Variants in FNDC1 observed in about 807,000 individuals in gnomAD.
The protein encoded by FNDC1 is fibronectin type III domain containing 1.
Under a neutral mutation model 168.0 loss-of-function variants are expected in FNDC1, and 96 were observed. The ratio of observed to expected loss-of-function variants is 0.57; its 90% CI spans 0.48 to 0.68. The LOEUF is 0.68. Ranked by LOEUF, FNDC1 falls within the 30% of genes least tolerant of loss-of-function variation. FNDC1 has a pLI of 0.00. For synonymous variants in FNDC1, 1,099 were observed against 1,025.9 expected, an observed-to-expected ratio of 1.07 and a Z score of -1.36; for missense variants, 2,587 against 2,482.1, an observed-to-expected ratio of 1.04 and a Z score of -0.90.
chr6:159,267,957 C>A (rs1379343621), intron 22 of FNDC1, 31 bp downstream of exon 22: 5 of 1,592,984 alleles, frequency 3.1e-6, no homozygotes, highest in East Asian at 2.3e-5. Flanking sequence ...ATATATTATC[C>A]TAGGAGGTGG....
chr6:159,270,490 A>G (rs968875521), intron 22 of FNDC1, among the ~76,000 whole-genome samples: 2 of 152,060 alleles, frequency 1.3e-5, no homozygotes, highest in Non-Finnish European at 2.9e-5. Flanking sequence ...TCCATATTCC[A>G]TGGTGTCCCT....
At position 159,215,080 on chromosome 6, in the gene FNDC1, G is replaced by T; in HGVS notation, c.596G>T (p.Gly199Val). ...RRSRGFLLGY[G>V]ESGRKMNYVP... is the part of the protein sequence containing the mutation. ...TCACGGGGTTTTCTCCTGGGCTACGGGGAGAGTGGCCGGAAGATGAATTAT... is the reference window on the plus strand; with the variant it reads ...TCACGGGGTTTTCTCCTGGGCTACGTGGAGAGTGGCCGGAAGATGAATTAT... Residue 199 changes from glycine to valine, a missense_variant, in exon 5 of 23, where the codon GGG becomes GTG. Coordinates refer to ENST00000297267, the MANE Select transcript of FNDC1 (RefSeq NM_032532.3). 3.1e-6 allele frequency: 5 copies of T among 1,614,058 alleles called. No homozygotes were observed. Among genetic ancestry groups the T allele is most frequent in the Non-Finnish European group, 4.2e-6 (5 of 1,179,882 alleles).
Position 159,271,707 on chromosome 6 carries a change from A to G in FNDC1, c.*265A>G. ...GTTTGTAATAGCACATCCCAGAGACATCAGAAACCAGCAACTGATTCAGTG... is the reference window on the plus strand; with the variant it reads ...GTTTGTAATAGCACATCCCAGAGACGTCAGAAACCAGCAACTGATTCAGTG... On this transcript the variant is annotated 3_prime_UTR_variant, in exon 23 of 23. Coordinates refer to ENST00000297267, the MANE Select transcript of FNDC1 (RefSeq NM_032532.3). 1 of 309,522 alleles carries G rather than the reference A, an allele frequency of 3.2e-6. No individual in the cohort carries two copies. Among genetic ancestry groups the G allele is most frequent in the East Asian group, 7.7e-5 (1 of 13,032 alleles). 19.2% of individuals were successfully genotyped at this position (309,522 alleles called of 1,614,324 possible).
intron 22 of FNDC1, 139 bp downstream of exon 22, chr6:159,268,065 A>G (rs1777627855): frequency 2.2e-6 from 2 of 906,814 alleles, no homozygotes; most frequent in African/African-American, 3.4e-5. Flanking sequence ...CATAAAAATA[A>G]ATAAAATAAA....
rs562152379 is a variant in FNDC1, at chr6:159,210,987, A to G, written c.461-3958A>G. Among the ~76,000 whole-genome samples the G allele has an allele frequency of 1.7e-3, 252 of 152,322 alleles. 1 individual carries two copies. Among genetic ancestry groups the G allele is most frequent in the Middle Eastern group, 3.4e-3 (1 of 294 alleles). ...GGCCAGGTGAAAACACACCCTGGCC[A>G]GGTGCTTCTGGTTCACACTGAACTT... On this transcript the variant is annotated intron_variant, in intron 4 of 22. Coordinates refer to ENST00000297267, the MANE Select transcript of FNDC1 (RefSeq NM_032532.3).
chr6:159,215,401 C>G (rs553685171), intron 5 of FNDC1, among the ~76,000 whole-genome samples: 6 of 152,362 alleles, frequency 3.9e-5, no homozygotes, highest in African/African-American at 1.4e-4. Context: ...ACAGCACAGA[C>G]TCCTTGAGTC....
intron 20 of FNDC1, 23 bp from the exon 21 acceptor site, chr6:159,266,061 C>T: frequency 1.9e-6 from 3 of 1,612,090 alleles, no homozygotes; most frequent in Non-Finnish European, 2.5e-6. Context: ...TTACCCTTAG[C>T]AGGTGTGTTT....
chr6:159,170,396 A>G (rs1051160081), intron 1 of FNDC1, among the ~76,000 whole-genome samples: 2 of 152,200 alleles, frequency 1.3e-5, no homozygotes, highest in African/African-American at 2.4e-5. Context: ...GCCAGGATGG[A>G]TGCTTCCTTT....
At chr6:159,265,852 C>T (rs534750402) in intron 20 of FNDC1, among the ~76,000 whole-genome samples, 10 of 152,204 alleles carry the variant, frequency 6.6e-5, no homozygotes, top group African/African-American at 1.7e-4. Context: ...CCCTTGAACC[C>T]GGGAGGTGGA....
At chr6:159,196,967 T>C (rs1343725311) in intron 1 of FNDC1, among the ~76,000 whole-genome samples, 1 of 152,240 alleles carries the variant, frequency 6.6e-6, no homozygotes, top group East Asian at 1.9e-4. Context: ...GCTGCTGTTA[T>C]CTCACTTAGA....
At chr6:159,247,839 A>G (rs1777170168) in intron 15 of FNDC1, among the ~76,000 whole-genome samples, 1 of 152,198 alleles carries the variant, frequency 6.6e-6, no homozygotes, top group Non-Finnish European at 1.5e-5. Flanking sequence ...GTATTATTAC[A>G]CTTAGGACCT....
chr6:159,196,806 A>G (rs1782249276), intron 1 of FNDC1, among the ~76,000 whole-genome samples: 2 of 152,260 alleles, frequency 1.3e-5, no homozygotes, highest in South Asian at 2.1e-4. Context: ...ATAAGTCAAG[A>G]TAAAAAAGTG....
intron 13 of FNDC1, among the ~76,000 whole-genome samples, chr6:159,239,042 A>G (rs1196262583): frequency 6.6e-6 from 1 of 152,240 alleles, no homozygotes; most frequent in African/African-American, 2.4e-5. Flanking sequence ...TGGCATGGTA[A>G]TTACGTGAAA....
At chr6:159,199,139 G>A (rs764591230) in intron 2 of FNDC1, among the ~76,000 whole-genome samples, 18 of 152,184 alleles carry the variant, frequency 1.2e-4, no homozygotes, top group Non-Finnish European at 1.6e-4. Context: ...ACAGACTTTC[G>A]TCTCTTCAAG....
intron 17 of FNDC1, among the ~76,000 whole-genome samples, chr6:159,253,339 T>C (rs1777310221): frequency 6.6e-6 from 1 of 152,220 alleles, no homozygotes; most frequent in Admixed American, 6.5e-5. Context: ...CGTCATCCAT[T>C]AGTGAACCAA....
chr6:159,271,796 A>G lies in FNDC1; in HGVS notation c.*354A>G. 5.2e-6 allele frequency: 1 copy of G among 193,170 alleles called. No individual in the cohort carries two copies. Among genetic ancestry groups the G allele is most frequent in the South Asian group, 1.0e-4 (1 of 9,852 alleles). The allele number at this position is 193,170 out of a possible 1,614,324, so 12.0% of individuals were successfully genotyped here. On this transcript the variant is annotated 3_prime_UTR_variant, in exon 23 of 23. Coordinates refer to ENST00000297267, the MANE Select transcript of FNDC1 (RefSeq NM_032532.3). ...CAGTATTTCCAGGAATAGCATATGC[A>G]CGCTGTTCTTGCTTCATGGAATGCT... is the stretch of plus-strand genomic sequence containing the variant.
At chr6:159,269,623 CTATCT>C (rs1045347371) in intron 22 of FNDC1, among the ~76,000 whole-genome samples, 3 of 151,368 alleles carry the variant, frequency 2.0e-5, no homozygotes, top group Admixed American at 6.6e-5. Context: ...ATCTATCTAT[CTATCT>C]ATCTATCTAT....
At position 159,221,708 on chromosome 6, in the gene FNDC1, A is replaced by G; in HGVS notation, c.766+12A>G. The G allele has an allele frequency of 6.2e-7, 1 of 1,603,930 alleles. No homozygotes were observed. The highest frequency in any genetic ancestry group is 8.5e-7 in the Non-Finnish European group (1 of 1,170,666). On this transcript the variant is annotated intron_variant, in intron 6 of 22. Transcript: ENST00000297267. ...GCGAAAGATTTCAGGTATGTTTCTA[A>G]GGATGCATTTGGTCAAACCATAGTC...
intron 21 of FNDC1, 140 bp downstream of exon 21, chr6:159,266,385 C>T (rs1432152654): frequency 8.0e-6 from 7 of 872,142 alleles, no homozygotes; most frequent in Non-Finnish European, 1.1e-5. Context: ...TAATACAAAC[C>T]AATTTTACAG....
Sources: allele counts gnomAD v4.1 joint callset (sites outside exome capture counted in the v4.1 genomes callset), GRCh38; gene constraint gnomAD v4.1.1; transcripts MANE v1.5; gene names NCBI Gene and HGNC (gene_info 2026-07-23, HGNC 2026-07-21).